MIEF2: variants seen among roughly 807,000 people sequenced by gnomAD.
MIEF2 encodes the protein mitochondrial dynamics protein MID49.
A neutral mutation model predicts 7.4 loss-of-function variants in MIEF2; 1 was observed. The ratio of observed to expected loss-of-function variants is 0.14; its 90% CI spans 0.05 to 0.64. The LOEUF is 0.64. Ranked by LOEUF, MIEF2 falls within the 30% of genes least tolerant of loss-of-function variation. The pLI is 0.85. For missense variants in MIEF2, 569 were observed against 623.9 expected (o/e 0.91, Z 0.94); for synonymous variants, 275 against 290.5 (o/e 0.95, Z 0.54).
Position 18,265,239 on chromosome 17 carries a change from C to T in MIEF2, c.*475C>T, listed in dbSNP as rs543888221. The T allele has an allele frequency of 1.3e-5, 2 of 156,884 alleles. No homozygotes were observed. Among genetic ancestry groups the T allele is most frequent in the East Asian group, 1.9e-4 (1 of 5,288 alleles). The allele number at this position is 156,884 out of a possible 1,614,324, so 9.7% of individuals were successfully genotyped here. On this transcript the variant is annotated 3_prime_UTR_variant, in exon 4 of 4. Coordinates refer to ENST00000323019, the MANE Select transcript of MIEF2 (RefSeq NM_139162.4). The stretch of plus-strand genomic sequence containing the variant: ...GGTAGGTATGGTGTGTTTGTTCTGT[C>T]CCCCAGGGGCTGGAGTCACCTGGTG...
At chr17:18,261,399 G>A (rs556228859) in intron 1 of MIEF2, among the ~76,000 whole-genome samples, 37 of 152,300 alleles carry the variant, frequency 2.4e-4, no homozygotes, top group Admixed American at 2.0e-3. Context: ...GCTACTCCAG[G>A]CATCTGGTCA....
Position 18,263,238 on chromosome 17 carries a change from G to A in MIEF2, c.300G>A (p.Ser100=), listed in dbSNP as rs139491020. 6.2e-5 allele frequency: 100 copies of A among 1,613,680 alleles called. No homozygotes were observed. Among genetic ancestry groups the A allele is most frequent in the Admixed American group, 1.3e-4 (8 of 60,006 alleles). ...SQPVLPLAPS[S]SAPEGPAETD... ...CAGTGTTGCCCTTGGCCCCCTCGTC[G>A]TCTGCCCCAGGTGAGTGGCACTCCT... The change falls in exon 3 of 4, where the codon TCG becomes TCA. Residue 100 remains serine (S), a synonymous_variant. Transcript: ENST00000323019.
At chr17:18,261,172 T>A (rs1156494022) in intron 1 of MIEF2, 4 of 1,551,486 alleles carry the variant, frequency 2.6e-6, no homozygotes, top group Non-Finnish European at 3.5e-6. Context: ...GTTGGGAGTA[T>A]TTAAAGCGCT....
At chr17:18,263,535 G>C in intron 3 of MIEF2, 175 bp from the exon 4 acceptor site, 1 of 959,392 alleles carries the variant, frequency 1.0e-6, no homozygotes. Context: ...CTGGGGCAAT[G>C]AGAACTCGTC....
rs753904671 is a variant in MIEF2 at position 18,264,720 on chromosome 17, T to C, written c.1321T>C (p.Tyr441His). ...LREEEIDDIG[Y>H]ALYSGLQEPE... ...TGAGGAGGAGATTGACGACATTGGCTATGCGCTATACAGTGGCCTACAGGA... is the reference window on the plus strand; with the variant it reads ...TGAGGAGGAGATTGACGACATTGGCCATGCGCTATACAGTGGCCTACAGGA... The change falls in exon 4 of 4, where the codon TAT becomes CAT. Residue 441 changes from tyrosine to histidine, a missense_variant. Physicochemically the swap from Tyr to His is moderately conservative, Grantham distance 83 (BLOSUM62 2). Transcript: ENST00000323019. 1.2e-6 allele frequency: 2 copies of C among 1,612,640 alleles called. No homozygotes were observed. The highest frequency in any genetic ancestry group is 1.7e-6 in the Non-Finnish European group (2 of 1,180,006).
At position 18,264,274 on chromosome 17, in the gene MIEF2, T is replaced by C. The variant is rs1978612705; in HGVS notation, c.875T>C (p.Val292Ala). ...SMASEELLLEVQHERLELTVA... is the reference protein window; with the variant it reads ...SMASEELLLEAQHERLELTVA... ...GCCTCGGAGGAGCTGCTGCTCGAGG[T>C]GCAGCACGAACGCCTGGAGCTCACT... is the stretch of plus-strand genomic sequence containing the variant. Residue 292 changes from valine to alanine, a missense_variant, in exon 4 of 4, where the codon GTG (valine) becomes GCG (alanine). Physicochemically the swap from Val to Ala is moderately conservative, Grantham distance 64. Coordinates refer to ENST00000323019, the MANE Select transcript of MIEF2 (RefSeq NM_139162.4). The C allele has an allele frequency of 6.2e-7, 1 of 1,606,224 alleles. No individual in the cohort carries two copies. Among genetic ancestry groups the C allele is most frequent in the African/African-American group, 1.3e-5 (1 of 74,910 alleles).
Position 18,264,422 on chromosome 17 carries a change from G to C in MIEF2, c.1023G>C (p.Arg341Ser). ...ACCTGTATCCAGTGGAGGCTGCTAG[G>C]CTGCGAGCCCTGGACGACCATGACG... The part of the protein sequence containing the change: ...LQDLYPVEAA[R>S]LRALDDHDAG... The change falls in exon 4 of 4, where the codon AGG becomes AGC. Residue 341 changes from arginine (R) to serine (S), a missense_variant. Coordinates refer to ENST00000323019, the MANE Select transcript of MIEF2 (RefSeq NM_139162.4). 1 of 1,600,978 alleles carries C rather than the reference G, an allele frequency of 6.2e-7. No individual in the cohort carries two copies.
In MIEF2 at chr17:18,263,131, G is replaced by C; in HGVS notation, c.193G>C (p.Ala65Pro). Residue 65 changes from alanine to proline, a missense_variant, in exon 3 of 4, where the codon GCA becomes CCA. Coordinates refer to ENST00000323019, the MANE Select transcript of MIEF2 (RefSeq NM_139162.4). ...TSPRDEDDTKADSWKELSLLK... is the reference protein window; with the variant it reads ...TSPRDEDDTKPDSWKELSLLK... ...CCCGCGGGATGAGGATGACACCAAG[G>C]CAGACAGCTGGAAGGAACTGAGCCT... The C allele has an allele frequency of 6.2e-7, 1 of 1,613,606 alleles. No homozygotes were observed. The highest frequency in any genetic ancestry group is 8.5e-7 in the Non-Finnish European group (1 of 1,180,036).
At position 18,264,560 on chromosome 17, in the gene MIEF2, G is replaced by A. The variant is rs749103671; in HGVS notation, c.1161G>A (p.Glu387=). 15 of 1,610,762 alleles carry A rather than the reference G, an allele frequency of 9.3e-6. No individual in the cohort carries two copies. In the East Asian group the frequency reaches 3.3e-4, roughly 36 times the overall value. Residue 387 remains glutamate, a synonymous_variant, in exon 4 of 4, where the codon GAG becomes GAA. Coordinates refer to ENST00000323019, the MANE Select transcript of MIEF2 (RefSeq NM_139162.4). The part of the protein sequence containing the change: ...HLTQVVLRLG[E]DNVDWTEEAL... ...CCCAGGTGGTCCTGCGTCTGGGGGA[G>A]GACAACGTGGATTGGACGGAGGAGG...
Position 18,264,251 on chromosome 17 carries a change from C to G in MIEF2, c.852C>G (p.Ala284=), listed in dbSNP as rs976634094. 1.9e-6 allele frequency: 3 copies of G among 1,604,902 alleles called. No homozygotes were observed. Among genetic ancestry groups the G allele is most frequent in the Non-Finnish European group, 2.5e-6 (3 of 1,179,780 alleles). Residue 284 remains alanine (A), a synonymous_variant, in exon 4 of 4, where the codon GCC becomes GCG. Transcript: ENST00000323019. Reference sequence around the variant, plus strand: ...GGTGCCTGATCCGGCCCAGCATGGCCTCGGAGGAGCTGCTGCTCGAGGTGC... The same window carrying G: ...GGTGCCTGATCCGGCCCAGCATGGCGTCGGAGGAGCTGCTGCTCGAGGTGC... The part of the protein sequence containing the change: ...LLGCLIRPSM[A]SEELLLEVQH...
Position 18,264,112 on chromosome 17 carries a change from G to A in MIEF2, c.713G>A (p.Ser238Asn), listed in dbSNP as rs769549583. ...CTTGAGTTCTGCCCCCGTGGGAGCA[G>A]CCCCTGGGACCGCTTCCTGGTCGGG... Reference protein sequence around the residue: ...TQLEFCPRGSSPWDRFLVGGY... With the variant: ...TQLEFCPRGSNPWDRFLVGGY... The change falls in exon 4 of 4, where the codon AGC becomes AAC. Residue 238 changes from serine (S) to asparagine (N), a missense_variant. Ser to Asn is a conservative substitution (Grantham distance 46). Coordinates refer to ENST00000323019, the MANE Select transcript of MIEF2 (RefSeq NM_139162.4). The A allele has an allele frequency of 3.9e-6, 6 of 1,555,086 alleles. No homozygotes were observed. The South Asian group carries it at 6.9e-5, about 18-fold the overall frequency.
In MIEF2 at chr17:18,262,757, A is replaced by C. The variant is rs1264354231; in HGVS notation, c.37A>C (p.Ser13Arg). The C allele has an allele frequency of 3.7e-6, 6 of 1,607,920 alleles. No individual in the cohort carries two copies. Among genetic ancestry groups the C allele is most frequent in the Non-Finnish European group, 5.1e-6 (6 of 1,176,926 alleles). The change falls in exon 2 of 4, where the codon AGC becomes CGC. Residue 13 changes from serine to arginine, a missense_variant. Ser to Arg is a moderately radical substitution (Grantham distance 110, BLOSUM62 -1). Coordinates refer to ENST00000323019, the MANE Select transcript of MIEF2 (RefSeq NM_139162.4). ...CTCCCAGAAACGGGGGAAGCGGCGT[A>C]GCGACGAAGGGCTGGGCAGCATGGT... ...EFSQKRGKRR[S>R]DEGLGSMVDF...
intron 3 of MIEF2, chr17:18,263,452 G>A: frequency 1.1e-6 from 1 of 897,414 alleles, no homozygotes; most frequent in South Asian, 1.4e-5. Flanking sequence ...TTTAGATGGG[G>A]AAACTGAGGT....
chr17:18,263,962 C>A lies in MIEF2; in HGVS notation c.563C>A (p.Ala188Glu). The A allele has an allele frequency of 6.3e-7, 1 of 1,581,684 alleles. No homozygotes were observed. Among genetic ancestry groups the A allele is most frequent in the East Asian group, 2.3e-5 (1 of 44,432 alleles). Residue 188 changes from alanine (A) to glutamate (E), a missense_variant, in exon 4 of 4, where the codon GCG (alanine) becomes GAG (glutamate). Coordinates refer to ENST00000323019, the MANE Select transcript of MIEF2 (RefSeq NM_139162.4). ...GGGCCGCTCTACGACGGGCTGCAGG[C>A]GGGGGCTGCGGACCATGTGCGTCTC... is the stretch of plus-strand genomic sequence containing the variant. ...PGGPLYDGLQ[A>E]GAADHVRLLV...
intron 1 of MIEF2, chr17:18,261,223 G>A: frequency 6.5e-7 from 1 of 1,534,990 alleles, no homozygotes; most frequent in Non-Finnish European, 8.8e-7. Context: ...TCTGGGGGCG[G>A]GTGGCAGTAT....
chr17:18,264,470 G>C lies in MIEF2; in HGVS notation c.1071G>C (p.Leu357=), dbSNP rs768577772. ...ACGCTGGGACTCGCCGGCGGCTGCT[G>C]CTGCTGCTGTGTGCTGTCTGCCGTG... ...DHDAGTRRRL[L]LLLCAVCRGC... is the part of the protein sequence containing the mutation. Residue 357 remains leucine, a synonymous_variant, in exon 4 of 4, where the codon CTG becomes CTC. Coordinates refer to ENST00000323019, the MANE Select transcript of MIEF2 (RefSeq NM_139162.4). 5.6e-6 allele frequency: 9 copies of C among 1,604,652 alleles called. No individual in the cohort carries two copies. The highest frequency in any genetic ancestry group is 8.5e-7 in the Non-Finnish European group (1 of 1,179,854).
chr17:18,262,996 C>T (rs1978498389), intron 2 of MIEF2, 90 bp from the exon 3 acceptor site: 4 of 1,558,462 alleles, frequency 2.6e-6, no homozygotes, highest in African/African-American at 2.7e-5. Flanking sequence ...GCACCTGCTT[C>T]TCCACCCAGC....
At chr17:18,262,911 G>T in intron 2 of MIEF2, 44 bp downstream of exon 2, 1 of 1,526,966 alleles carries the variant, frequency 6.5e-7, no homozygotes. Context: ...CCTAGAGGAG[G>T]ACAACAGGGT....
chr17:18,265,051 C>T lies in MIEF2; in HGVS notation c.*287C>T. 2.7e-6 allele frequency: 1 copy of T among 364,136 alleles called. No individual in the cohort carries two copies. The highest frequency in any genetic ancestry group is 5.0e-6 in the Non-Finnish European group (1 of 200,758). The allele number at this position is 364,136 out of a possible 1,614,324, so 22.6% of individuals were successfully genotyped here. The stretch of plus-strand genomic sequence containing the variant: ...TCAGCTCTTGGGGCCAACCCCAGGA[C>T]CTTTGGCTCTGTCCATCACCAGCAA... On this transcript the variant is annotated 3_prime_UTR_variant, in exon 4 of 4. Coordinates refer to ENST00000323019, the MANE Select transcript of MIEF2 (RefSeq NM_139162.4).
Sources: gnomAD v4.1 joint callset for allele counts (sites outside exome capture counted in the v4.1 genomes callset) on GRCh38, gnomAD v4.1.1 for gene constraint, MANE v1.5 for transcripts, NCBI Gene and HGNC (gene_info 2026-07-23, HGNC 2026-07-21) for gene names.